Variants in OTOGL observed in about 807,000 individuals in gnomAD.
OTOGL encodes otogelin like.
A neutral mutation model predicts 318.5 loss-of-function variants in OTOGL; 285 were observed. The ratio of observed to expected loss-of-function variants is 0.89; its 90% CI spans 0.81 to 0.99. The LOEUF (loss-of-function observed/expected upper bound fraction) is 0.99, where lower values mean the gene tolerates loss of function less well. OTOGL is among the 50% of genes least tolerant of loss of function. The probability of loss-of-function intolerance (pLI) is 0.00; values close to 1 mark genes in which losing one functional copy is unlikely to be tolerated. For missense variants in OTOGL, 2,899 were observed against 2,845.6 expected (o/e 1.02, Z -0.43); for synonymous variants, 987 against 936.5 (o/e 1.05, Z -0.99).
At chr12:80,129,244 G>A (rs1413315222) in intron 1 of OTOGL, among the ~76,000 whole-genome samples, 3 of 152,192 alleles carry the variant, frequency 2.0e-5, no homozygotes, top group Non-Finnish European at 2.9e-5. Flanking sequence ...GGAAGAGAGA[G>A]TGTAAGATTT....
intron 26 of OTOGL, among the ~76,000 whole-genome samples, chr12:80,289,905 G>A (rs1172691172): frequency 6.6e-6 from 1 of 152,064 alleles, no homozygotes; most frequent in African/African-American, 2.4e-5. Context: ...AGAAGTGAAC[G>A]GTTTTGTCTT....
intron 27 of OTOGL, 45 bp downstream of exon 27, chr12:80,297,006 G>A (rs551879965): frequency 7.1e-7 from 1 of 1,410,228 alleles, no homozygotes; most frequent in African/African-American, 1.4e-5. Context: ...TTGTCCTGAG[G>A]ATACTGAAAA....
chr12:80,109,971 C>A (rs186880439), intron 1 of OTOGL, among the ~76,000 whole-genome samples: 3 of 151,822 alleles, frequency 2.0e-5, no homozygotes, highest in Non-Finnish European at 4.4e-5. Flanking sequence ...GATACATGTG[C>A]AGAACATGCA....
intron 29 of OTOGL, among the ~76,000 whole-genome samples, chr12:80,309,908 A>G (rs768000609): frequency 6.6e-6 from 1 of 152,168 alleles, no homozygotes; most frequent in Non-Finnish European, 1.5e-5. Flanking sequence ...CGTTGAAGCC[A>G]GGACGCGTGT....
chr12:80,322,667 A>G (rs926915417), intron 34 of OTOGL, among the ~76,000 whole-genome samples: 1 of 152,152 alleles, frequency 6.6e-6, no homozygotes, highest in African/African-American at 2.4e-5. Flanking sequence ...AACTGCTACA[A>G]AAGGACTTCT....
intron 1 of OTOGL, among the ~76,000 whole-genome samples, chr12:80,190,874 G>A (rs1459619902): frequency 6.9e-6 from 1 of 145,736 alleles, no homozygotes; most frequent in African/African-American, 2.6e-5. Flanking sequence ...TTTAAAAATA[G>A]TTCTTCCTTT....
In OTOGL at chr12:80,358,930, A is replaced by T. The variant is rs548339490; in HGVS notation, c.6267+30A>T. ...GAACACATATTTTGATTGACTTGTC[A>T]TATTTATTTAAATCTGTTTATTCTT... On this transcript the variant is annotated intron_variant, in intron 52 of 58. Coordinates refer to ENST00000547103, the MANE Select transcript of OTOGL (RefSeq NM_001378609.3). The T allele has an allele frequency of 2.1e-6, 3 of 1,423,596 alleles. No homozygotes were observed. In the Admixed American group the frequency reaches 6.5e-5, roughly 31 times the overall value. The allele number at this position is 1,423,596 out of a possible 1,614,324, so 88.2% of individuals were successfully genotyped here.
At chr12:80,367,400 TA>T (rs1321408978) in intron 53 of OTOGL, among the ~76,000 whole-genome samples, 160 bp from the exon 54 acceptor site, 2 of 152,092 alleles carry the variant, frequency 1.3e-5, no homozygotes, top group Non-Finnish European at 2.9e-5. Context: ...CATTTTTAAG[TA>T]AATATTGGGC....
chr12:80,147,789 G>C (rs1245546382), intron 1 of OTOGL, among the ~76,000 whole-genome samples: 1 of 152,140 alleles, frequency 6.6e-6, no homozygotes, highest in Admixed American at 6.5e-5. Flanking sequence ...TTGTTGAATT[G>C]ATCCCTTTAC....
chr12:80,193,812 G>T (rs1253545212), intron 1 of OTOGL, among the ~76,000 whole-genome samples: 1 of 152,160 alleles, frequency 6.6e-6, no homozygotes, highest in East Asian at 1.9e-4. Context: ...TGTTTAGACA[G>T]AAACATTTTC....
intron 26 of OTOGL, among the ~76,000 whole-genome samples, chr12:80,295,891 C>T (rs557470697): frequency 6.6e-6 from 1 of 152,130 alleles, no homozygotes; most frequent in South Asian, 2.1e-4. Flanking sequence ...CAGATGTAAA[C>T]AATATTTTAT....
At chr12:80,253,060 AT>A (rs1305687356) in intron 13 of OTOGL, among the ~76,000 whole-genome samples, 1 of 152,200 alleles carries the variant, frequency 6.6e-6, no homozygotes, top group Non-Finnish European at 1.5e-5. Context: ...GGTCTTGGAC[AT>A]TTGAGTAGCA....
chr12:80,226,233 C>G (rs1291515445), intron 7 of OTOGL, among the ~76,000 whole-genome samples: 2 of 149,860 alleles, frequency 1.3e-5, no homozygotes, highest in Non-Finnish European at 3.0e-5. Context: ...CTTCCCTTCA[C>G]TCCTCCTAAT....
In OTOGL at chr12:80,219,790, C is replaced by CTTTTTTTTTTTTTTTTT. The variant is rs71717494; in HGVS notation, c.236-10_236-9insTTTTTTTTTTTTTTTTT. ...AGAACAAATGGATGCCAGAAGATAA[C>CTTTTTTTTTTTTTTTTT]TTTTTTTTTTTTTTCCCCCTCAGGT... On this transcript the variant is annotated intron_variant, in intron 5 of 58. Transcript: ENST00000547103. 2.7e-5 allele frequency: 33 copies of CTTTTTTTTTTTTTTTTT among 1,202,098 alleles called. No homozygotes were observed. In the African/African-American group the frequency reaches 5.0e-4, roughly 18 times the overall value. 74.5% of individuals were successfully genotyped at this position (1,202,098 alleles called of 1,614,324 possible).
chr12:80,146,197 T>C (rs928195791), intron 1 of OTOGL, among the ~76,000 whole-genome samples: 1 of 147,746 alleles, frequency 6.8e-6, no homozygotes, highest in Admixed American at 6.6e-5. Flanking sequence ...TGTGGGTTTG[T>C]CATAGATAGC....
At chr12:80,299,691 TTTTATTAA>T (rs1202390022) in intron 27 of OTOGL, among the ~76,000 whole-genome samples, 1 of 151,852 alleles carries the variant, frequency 6.6e-6, no homozygotes, top group Admixed American at 6.6e-5. Flanking sequence ...GATATAAATA[TTTTATTAA>T]TTTATTTAAG....
chr12:80,360,984 AT>A (rs1203255621), intron 52 of OTOGL: 1 of 152,002 alleles, frequency 6.6e-6, no homozygotes, highest in East Asian at 1.9e-4. Flanking sequence ...TTTTTTTGTG[AT>A]GAGAACACAG....
At chr12:80,284,613 AT>A (rs1231942544) in intron 26 of OTOGL, among the ~76,000 whole-genome samples, 12 of 152,032 alleles carry the variant, frequency 7.9e-5, no homozygotes, top group African/African-American at 2.9e-4. Context: ...TTTGATTTGC[AT>A]TTCTCTAATG....
chr12:80,312,718 TG>T, intron 30 of OTOGL, among the ~76,000 whole-genome samples: 1 of 152,364 alleles, frequency 6.6e-6, no homozygotes, highest in East Asian at 1.9e-4. Context: ...CAGAGCCTGC[TG>T]GTTCTTTTCC....
Sources: gnomAD v4.1 joint callset for allele counts (sites outside exome capture counted in the v4.1 genomes callset) on GRCh38, gnomAD v4.1.1 for gene constraint, MANE v1.5 for transcripts, NCBI Gene and HGNC (gene_info 2026-07-23, HGNC 2026-07-21) for gene names.